The following PRKX variants were observed in gnomAD, a reference collection of about 807,000 sequenced individuals.
The protein encoded by PRKX is cAMP-dependent protein kinase catalytic subunit PRKX.
A neutral mutation model predicts 22.0 loss-of-function variants in PRKX; 12 were observed. The ratio of observed to expected loss-of-function variants is 0.54; its 90% CI spans 0.35 to 0.88. The LOEUF is 0.88. Ranked by LOEUF, PRKX falls within the 40% of genes least tolerant of loss-of-function variation. The pLI is 0.01. For synonymous variants in PRKX, 134 were observed against 137.7 expected (o/e 0.97, Z 0.19); for missense variants, 217 against 308.0 (o/e 0.70, Z 2.21).
intron 3 of PRKX, among the ~76,000 whole-genome samples, chrX:3,650,003 G>C (rs1927284980): frequency 9.1e-6 from 1 of 109,627 alleles, no homozygotes; most frequent in African/African-American, 3.3e-5. Flanking sequence ...AGCCAGGCAG[G>C]GTGTGCAAGC....
In PRKX at chrX:3,605,686, T is replaced by C. The variant is rs1430828681; in HGVS notation, c.*3283A>G. On this transcript the variant is annotated 3_prime_UTR_variant, in exon 9 of 9. Transcript: ENST00000262848. ...TTTTTCTTCAAAGCAAACAAATGAT[T>C]TGGTCTTTAAGTATGGACAGAAAGA... 1 of 112,164 alleles carries C rather than the reference T, an allele frequency of 8.9e-6. No homozygotes were observed. The highest frequency in any genetic ancestry group is 1.9e-5 in the Non-Finnish European group (1 of 53,262). The allele number at this position is 112,164 out of a possible 1,213,427, so 9.2% of individuals were successfully genotyped here.
At chrX:3,709,843 C>T (rs1185203336) in intron 1 of PRKX, among the ~76,000 whole-genome samples, 2 of 110,479 alleles carry the variant, frequency 1.8e-5, no homozygotes, top group Non-Finnish European at 3.8e-5. Flanking sequence ...GGCTGGAGTA[C>T]GGTGGCGCGA....
chrX:3,705,691 C>CTTTTTTTTTTTTT (rs1365283802), intron 1 of PRKX, among the ~76,000 whole-genome samples: 2 of 101,816 alleles, frequency 2.0e-5, no homozygotes, highest in African/African-American at 3.6e-5. Context: ...TTTTTCTTTT[C>CTTTTTTTTTTTTT]TTTTTTTTTT....
chrX:3,705,302 T>C (rs187680123), intron 1 of PRKX, among the ~76,000 whole-genome samples: 255 of 111,338 alleles, frequency 2.3e-3, no homozygotes, highest in African/African-American at 7.5e-3. Context: ...TATAAGGACA[T>C]TGATCCCATT....
intron 2 of PRKX, chrX:3,670,183 A>T (rs920708398): frequency 8.1e-6 from 1 of 124,126 alleles, no homozygotes; most frequent in Non-Finnish European, 1.9e-5. Context: ...ACTTACATTT[A>T]GAAGAGAAGC....
At chrX:3,709,352 T>C (rs980986168) in intron 1 of PRKX, among the ~76,000 whole-genome samples, 4 of 111,282 alleles carry the variant, frequency 3.6e-5, no homozygotes, top group African/African-American at 1.3e-4. Flanking sequence ...AAATCCCCTG[T>C]GAGTCTGTAT....
chrX:3,633,256 G>GAAA (rs373830482), intron 4 of PRKX, among the ~76,000 whole-genome samples: 7 of 58,996 alleles, frequency 1.2e-4, no homozygotes, highest in Non-Finnish European at 1.4e-4. Flanking sequence ...TGTCTCAAAA[G>GAAA]AAAAAAAAAA....
chrX:3,678,522 C>G (rs1318223702), intron 1 of PRKX, among the ~76,000 whole-genome samples: 1 of 112,224 alleles, frequency 8.9e-6, no homozygotes, highest in Non-Finnish European at 1.9e-5. Flanking sequence ...AAAGCTTTCT[C>G]TGAGCTGTGT....
At chrX:3,618,620 T>A (rs774622572) in intron 6 of PRKX, among the ~76,000 whole-genome samples, 21 of 108,756 alleles carry the variant, frequency 1.9e-4, no homozygotes, top group African/African-American at 2.3e-4. Flanking sequence ...TGTGTTAATT[T>A]AAAAAAAAAA....
intron 1 of PRKX, among the ~76,000 whole-genome samples, chrX:3,688,633 CAGAA>C (rs1239498717): frequency 1.8e-5 from 2 of 110,323 alleles, no homozygotes; most frequent in African/African-American, 6.6e-5. Flanking sequence ...AAGGCTGAAG[CAGAA>C]GGATCACTTG....
intron 1 of PRKX, among the ~76,000 whole-genome samples, chrX:3,690,272 G>C (rs1430241635): frequency 8.9e-6 from 1 of 112,013 alleles, no homozygotes; most frequent in Non-Finnish European, 1.9e-5. Flanking sequence ...GTGTGTGGTA[G>C]ATAGTTTGGT....
chrX:3,615,764 G>T lies in PRKX; in HGVS notation c.951+51C>A, dbSNP rs187036295. The T allele has an allele frequency of 1.2e-5, 12 of 1,037,000 alleles. No individual in the cohort carries two copies. The East Asian group carries it at 3.5e-4, about 30-fold the overall frequency. 85.5% of individuals were successfully genotyped at this position (1,037,000 alleles called of 1,213,427 possible). On this transcript the variant is annotated intron_variant, in intron 7 of 8. Coordinates refer to ENST00000262848, the MANE Select transcript of PRKX (RefSeq NM_005044.5). ...GTCCCAGGATTCAGAGGCAGTCCCT[G>T]CTAATGGAAGAGCTCGGGCATACTG...
At chrX:3,681,838 T>C (rs1317565572) in intron 1 of PRKX, among the ~76,000 whole-genome samples, 2 of 109,310 alleles carry the variant, frequency 1.8e-5, no homozygotes, top group Non-Finnish European at 3.8e-5. Flanking sequence ...GCCTGTGACT[T>C]TGGAGGGAAG....
intron 4 of PRKX, among the ~76,000 whole-genome samples, chrX:3,630,157 C>T: frequency 8.9e-6 from 1 of 112,282 alleles, no homozygotes; most frequent in Non-Finnish European, 1.9e-5. Flanking sequence ...AATATATATA[C>T]TTAAAACTGC....
chrX:3,665,665 A>T (rs1156430173), intron 2 of PRKX, among the ~76,000 whole-genome samples: 1 of 110,758 alleles, frequency 9.0e-6, no homozygotes. Context: ...ATGGAATAGT[A>T]CTCAGGCTTA....
At chrX:3,638,278 C>G (rs1357226175) in intron 4 of PRKX, among the ~76,000 whole-genome samples, 2 of 73,886 alleles carry the variant, frequency 2.7e-5, no homozygotes, top group Non-Finnish European at 5.9e-5. Context: ...TACCCTGAGA[C>G]TAATATTGTT....
intron 1 of PRKX, among the ~76,000 whole-genome samples, chrX:3,697,631 A>G (rs1213426476): frequency 2.8e-5 from 3 of 109,000 alleles, no homozygotes; most frequent in African/African-American, 6.7e-5. Flanking sequence ...CTGCAGTTCC[A>G]ACTTCCAGGC....
intron 4 of PRKX, among the ~76,000 whole-genome samples, chrX:3,639,986 T>G (rs1053437341): frequency 9.0e-6 from 1 of 111,295 alleles, no homozygotes; most frequent in Non-Finnish European, 1.9e-5. Context: ...AGACACGCCT[T>G]CCAGGCAGGA....
intron 6 of PRKX, among the ~76,000 whole-genome samples, chrX:3,617,816 G>A (rs1462066306): frequency 9.0e-6 from 1 of 110,588 alleles, no homozygotes; most frequent in African/African-American, 3.3e-5. Flanking sequence ...GTAACCACAG[G>A]ACAATGCATC....
Sources: allele counts gnomAD v4.1 joint callset (sites outside exome capture counted in the v4.1 genomes callset), GRCh38; gene constraint gnomAD v4.1.1; transcripts MANE v1.5; gene names NCBI Gene and HGNC (gene_info 2026-07-23, HGNC 2026-07-21).